The following ZNF670 variants were observed in gnomAD, a reference collection of about 807,000 sequenced individuals.
ZNF670 encodes zinc finger protein 670.
ZNF670 carries 7 observed loss-of-function variants against 10.9 expected under a neutral mutation model. The observed-to-expected ratio is 0.64, with a 90% CI of 0.36 to 1.20. The LOEUF (loss-of-function observed/expected upper bound fraction) is 1.20. Among genes scored for constraint, ZNF670 ranks in the 50% most tolerant of loss-of-function variants. The pLI, the probability that ZNF670 is intolerant of heterozygous loss-of-function variation, is 0.02. For missense variants in ZNF670, 446 were observed against 458.6 expected (o/e 0.97, Z 0.25); for synonymous variants, 136 against 152.7 (o/e 0.89, Z 0.81).
At chr1:247,064,257 T>TG (rs1670932841) in intron 1 of ZNF670, among the ~76,000 whole-genome samples, 2 of 152,354 alleles carry the variant, frequency 1.3e-5, no homozygotes, top group African/African-American at 4.8e-5. Context: ...TCAGAGGACA[T>TG]GCAGCAGTGG....
In ZNF670 at chr1:247,038,825, G is replaced by A. The variant is rs748448705; in HGVS notation, c.176C>T (p.Pro59Leu). ...DQNIQDDFKN[P>L]GRNLSSHVVE... Reference sequence around the variant, plus strand: ...TGCAAATTACCTTAGATTTCTCCCAGGATTTTTGAAGTCATCTTGGATATT... The same window carrying A: ...TGCAAATTACCTTAGATTTCTCCCAAGATTTTTGAAGTCATCTTGGATATT... The change falls in exon 3 of 4, where the codon CCT becomes CTT. Residue 59 changes from proline to leucine, a missense_variant. Physicochemically the swap from Pro to Leu is moderately conservative, Grantham distance 98 (BLOSUM62 -3). Coordinates refer to ENST00000366503, the MANE Select transcript of ZNF670 (RefSeq NM_033213.5). 6 of 1,611,346 alleles carry A rather than the reference G, an allele frequency of 3.7e-6. No individual in the cohort carries two copies. The highest frequency in any genetic ancestry group is 5.1e-6 in the Non-Finnish European group (6 of 1,178,450).
intron 1 of ZNF670, among the ~76,000 whole-genome samples, chr1:247,067,069 C>G (rs1670996767): frequency 6.6e-6 from 1 of 152,158 alleles, no homozygotes; most frequent in Non-Finnish European, 1.5e-5. Flanking sequence ...AGGTACATGT[C>G]ATCAAGGACC....
chr1:247,039,815 C>G (rs1237052801), intron 1 of ZNF670, among the ~76,000 whole-genome samples: 4 of 152,154 alleles, frequency 2.6e-5, no homozygotes, highest in Non-Finnish European at 5.9e-5. Flanking sequence ...TGAGGTCACC[C>G]CTAATTTCTA....
chr1:247,074,616 T>C (rs1246880951), intron 1 of ZNF670, among the ~76,000 whole-genome samples: 1 of 152,080 alleles, frequency 6.6e-6, no homozygotes, highest in Non-Finnish European at 1.5e-5. Flanking sequence ...TTTCCATGGA[T>C]GGTGGGGATA....
At position 247,034,713 on chromosome 1, in the gene ZNF670, G is replaced by A. The variant is rs2103048355; in HGVS notation, c.*2736C>T. ...CAGCATGGGGACATTCTTCCTTTCT[G>A]CAACTTCACACACACAAAATCCCTG... On this transcript the variant is annotated 3_prime_UTR_variant, in exon 4 of 4. Coordinates refer to ENST00000366503, the MANE Select transcript of ZNF670 (RefSeq NM_033213.5). Among the ~76,000 whole-genome samples the A allele has an allele frequency of 6.6e-6, 1 of 152,276 alleles. No individual in the cohort carries two copies. Among genetic ancestry groups the A allele is most frequent in the East Asian group, 1.9e-4 (1 of 5,186 alleles).
At chr1:247,063,818 C>T (rs544501796) in intron 1 of ZNF670, among the ~76,000 whole-genome samples, 17 of 152,298 alleles carry the variant, frequency 1.1e-4, no homozygotes, top group African/African-American at 3.6e-4. Context: ...ATGACTCTCC[C>T]GTCACAGCCA....
rs772603869 is a variant in ZNF670, at chr1:247,038,164, G to A, written c.455C>T (p.Ser152Phe). 2 of 1,614,148 alleles carry A rather than the reference G, an allele frequency of 1.2e-6. No homozygotes were observed. The highest frequency in any genetic ancestry group is 1.7e-6 in the Non-Finnish European group (2 of 1,180,008). The stretch of plus-strand genomic sequence containing the variant: ...CATGTGTCTGTCAACACTGGTGAGA[G>A]AGATAAAGGCTTTCCCACATTGTTT... ...HCKQCGKAFI[S>F]LTSVDRHMVT... The change falls in exon 4 of 4, where the codon TCT becomes TTT. Residue 152 changes from serine to phenylalanine, a missense_variant. Transcript: ENST00000366503.
At chr1:247,072,822 ATATATATATATATATATG>A (rs1558348416) in intron 1 of ZNF670, among the ~76,000 whole-genome samples, 2 of 85,380 alleles carry the variant, frequency 2.3e-5, no homozygotes, top group African/African-American at 5.9e-5. Context: ...ATATATATAT[ATATATATATATATATATG>A]CATACACACA....
At chr1:247,072,279 CA>C (rs199907946) in intron 1 of ZNF670, among the ~76,000 whole-genome samples, 1,539 of 151,184 alleles carry the variant, frequency 0.01, 15 homozygotes, top group Non-Finnish European at 0.012. Context: ...GCCTCCCAAG[CA>C]GCCGAGACCA....
intron 1 of ZNF670, among the ~76,000 whole-genome samples, chr1:247,052,162 CTTTA>C (rs998530531): frequency 6.6e-6 from 1 of 152,062 alleles, no homozygotes; most frequent in Non-Finnish European, 1.5e-5. Context: ...TGTTAAAGAA[CTTTA>C]TTTTGTCATA....
intron 1 of ZNF670, among the ~76,000 whole-genome samples, chr1:247,057,735 A>G (rs1413060149): frequency 6.6e-6 from 1 of 152,250 alleles, no homozygotes. Context: ...AGCCAGGAAA[A>G]GAGACAAACT....
intron 1 of ZNF670, among the ~76,000 whole-genome samples, chr1:247,060,716 T>G (rs1231259851): frequency 6.6e-6 from 1 of 152,214 alleles, no homozygotes; most frequent in African/African-American, 2.4e-5. Context: ...ATAGAAGATT[T>G]ATAGCCATGC....
At chr1:247,064,873 G>A (rs1156953650) in intron 1 of ZNF670, among the ~76,000 whole-genome samples, 1 of 151,922 alleles carries the variant, frequency 6.6e-6, no homozygotes, top group South Asian at 2.1e-4. Context: ...AGCACAATCT[G>A]GGCTCACTGC....
intron 1 of ZNF670, among the ~76,000 whole-genome samples, chr1:247,067,349 T>C (rs975058058): frequency 3.4e-5 from 5 of 148,614 alleles, no homozygotes; most frequent in African/African-American, 1.3e-4. Flanking sequence ...CACAGGAGAA[T>C]CGCTTGAACC....
rs761766992 is a variant in ZNF670, at chr1:247,038,888, A to T, written c.131-18T>A. ...TTTGTTTCCTAAAAGGTACAACCAT[A>T]AGATTATTCAAATGATTAGAAACTT... On this transcript the variant is annotated intron_variant, in intron 2 of 3. Coordinates refer to ENST00000366503, the MANE Select transcript of ZNF670 (RefSeq NM_033213.5). 1.3e-6 allele frequency: 2 copies of T among 1,594,100 alleles called. No homozygotes were observed. Among genetic ancestry groups the T allele is most frequent in the Non-Finnish European group, 8.6e-7 (1 of 1,165,010 alleles).
rs1346255122 is a variant in ZNF670 at position 247,034,760 on chromosome 1, G to A, written c.*2689C>T. On this transcript the variant is annotated 3_prime_UTR_variant, in exon 4 of 4. Coordinates refer to ENST00000366503, the MANE Select transcript of ZNF670 (RefSeq NM_033213.5). ...CCTGGAGCTGTCCCAAGTGTGTACA[G>A]TAATAACGTTCACATGGCTACTCCA... 6.6e-6 allele frequency among the ~76,000 whole-genome samples: 1 copy of A among 152,194 alleles called. No homozygotes were observed. The highest frequency in any genetic ancestry group is 2.4e-5 in the African/African-American group (1 of 41,450).
intron 1 of ZNF670, among the ~76,000 whole-genome samples, chr1:247,048,774 G>C (rs570231019): frequency 6.6e-6 from 1 of 152,140 alleles, no homozygotes; most frequent in Non-Finnish European, 1.5e-5. Context: ...GTAGGAAGAA[G>C]AATGACTGAA....
At position 247,036,880 on chromosome 1, in the gene ZNF670, A is replaced by ACACACACC. The variant is rs1300408134; in HGVS notation, c.*568_*569insGGTGTGTG. ...CCATAAAAAGGTAGAATACACACAC[A>ACACACACC]CACACACACACACACACACACACAT... On this transcript the variant is annotated 3_prime_UTR_variant, in exon 4 of 4. Transcript: ENST00000366503. 2.1e-4 allele frequency: 32 copies of ACACACACC among 151,332 alleles called. No homozygotes were observed. Among genetic ancestry groups the ACACACACC allele is most frequent in the African/African-American group, 7.5e-4 (31 of 41,324 alleles). The allele number at this position is 151,332 out of a possible 1,614,324, so 9.4% of individuals were successfully genotyped here.
chr1:247,070,465 C>T (rs200071619), intron 1 of ZNF670, among the ~76,000 whole-genome samples: 4 of 151,652 alleles, frequency 2.6e-5, no homozygotes, highest in African/African-American at 4.9e-5. Context: ...AGTGAGACTC[C>T]GTCTCAAAAC....
Sources: allele counts gnomAD v4.1 joint callset (sites outside exome capture counted in the v4.1 genomes callset), GRCh38; gene constraint gnomAD v4.1.1; transcripts MANE v1.5; gene names NCBI Gene and HGNC (gene_info 2026-07-23, HGNC 2026-07-21).